Variants in GRM4 observed in about 807,000 individuals in gnomAD.
GRM4 encodes metabotropic glutamate receptor 4.
A neutral mutation model predicts 81.7 loss-of-function variants in GRM4; 28 were observed. The observed-to-expected ratio is 0.34, with a 90% confidence interval of 0.25 to 0.47. GRM4 has a LOEUF of 0.47. Among genes scored for constraint, GRM4 ranks in the 20% least tolerant of loss-of-function variants. GRM4 has a pLI of 1.00. For synonymous variants in GRM4, 488 were observed against 528.8 expected (o/e 0.92, Z 1.06); for missense variants, 948 against 1,290.0 (o/e 0.73, Z 4.06).
rs1268613490 is a variant in GRM4, at chr6:34,034,173, G to A, written c.2442+1495C>T. ...GCAGCTGCATTTGGACGTCTAATGA[G>A]CATCCCAAACTTAGCATGTCCAAAG... On this transcript the variant is annotated intron_variant, in intron 9 of 10. Transcript: ENST00000538487. This position sits in a 1 kb window ranked among gnomAD's most constrained non-coding sequence, Gnocchi z 4.0. Among the ~76,000 whole-genome samples the A allele has an allele frequency of 6.6e-6, 1 of 152,194 alleles. No homozygotes were observed. The highest frequency in any genetic ancestry group is 1.5e-5 in the Non-Finnish European group (1 of 68,038).
chr6:34,155,255 G>A (rs1771127400), exon 1 of GRM4: 2 of 1,535,014 alleles, frequency 1.3e-6, no homozygotes, highest in African/African-American at 1.4e-5. Context: ...GACCTGGGCG[G>A]GAGGCGGCAG....
At chr6:34,071,207 A>G (rs199601888) in intron 3 of GRM4, among the ~76,000 whole-genome samples, 2,439 of 151,732 alleles carry the variant, frequency 0.016, 51 homozygotes, top group African/African-American at 0.049. Flanking sequence ...ACACACACCT[A>G]TACATCACCA....
rs1217696937 is a variant in GRM4, at chr6:34,111,912, G to A, written c.520-19813C>T. On this transcript the variant is annotated intron_variant, in intron 2 of 10. Coordinates refer to ENST00000538487, the MANE Select transcript of GRM4 (RefSeq NM_000841.4). The surrounding 1 kb of genome is among the most constrained non-coding windows in gnomAD (Gnocchi z 5.1). The stretch of plus-strand genomic sequence containing the variant: ...CGCACCCCCACCTGTTCCATTTCCT[G>A]ATTGTCCAGATCTTATTGAGGTTTC... Among the ~76,000 whole-genome samples, 1 of 152,120 alleles carries A rather than the reference G, an allele frequency of 6.6e-6. No individual in the cohort carries two copies. Among genetic ancestry groups the A allele is most frequent in the East Asian group, 1.9e-4 (1 of 5,180 alleles).
intron 6 of GRM4, among the ~76,000 whole-genome samples, chr6:34,049,273 C>G (rs1765498475): frequency 6.6e-6 from 1 of 152,124 alleles, no homozygotes; most frequent in Non-Finnish European, 1.5e-5. Flanking sequence ...CAGCCCTTGT[C>G]TCACTTGGCC....
intron 2 of GRM4, among the ~76,000 whole-genome samples, chr6:34,106,260 C>G (rs1026428557): frequency 5.9e-5 from 9 of 151,924 alleles, no homozygotes; most frequent in Non-Finnish European, 1.3e-4. Context: ...ACCAAAAATA[C>G]AAAAATTAGC....
intron 3 of GRM4, among the ~76,000 whole-genome samples, chr6:34,085,530 G>A (rs1180557188): frequency 6.6e-6 from 1 of 152,346 alleles, no homozygotes; most frequent in Non-Finnish European, 1.5e-5. Context: ...CACCCCGTCA[G>A]CCTCAGTTTG....
chr6:34,100,634 C>T (rs1768784832), intron 2 of GRM4, among the ~76,000 whole-genome samples: 1 of 152,246 alleles, frequency 6.6e-6, no homozygotes, highest in Admixed American at 6.5e-5. Context: ...ATGGAGCGGA[C>T]ATCCGAGTGG....
At chr6:34,037,201 G>T (rs754974153) in intron 8 of GRM4, among the ~76,000 whole-genome samples, 13 of 152,254 alleles carry the variant, frequency 8.5e-5, no homozygotes, top group Admixed American at 8.5e-4. Flanking sequence ...TTAATCAGAG[G>T]ATGCTTAATG....
chr6:34,088,810 G>C (rs1378604921), intron 3 of GRM4, among the ~76,000 whole-genome samples: 3 of 152,232 alleles, frequency 2.0e-5, no homozygotes, highest in African/African-American at 7.2e-5. Flanking sequence ...CACAGGGGGT[G>C]TCTGGCCCAG....
intron 2 of GRM4, among the ~76,000 whole-genome samples, chr6:34,125,794 C>G (rs1303606197): frequency 1.3e-5 from 2 of 152,224 alleles, no homozygotes; most frequent in Non-Finnish European, 2.9e-5. Context: ...CAGGCTCTCA[C>G]CACAGTGGGG....
At chr6:34,095,946 C>T (rs1768496267) in intron 2 of GRM4, among the ~76,000 whole-genome samples, 1 of 152,206 alleles carries the variant, frequency 6.6e-6, no homozygotes, top group East Asian at 1.9e-4. Flanking sequence ...TCAACTCCCA[C>T]TGTCTGCGCA....
chr6:34,026,273 T>G (rs900073930), intron 10 of GRM4, among the ~76,000 whole-genome samples: 2 of 152,112 alleles, frequency 1.3e-5, no homozygotes, highest in African/African-American at 4.8e-5. Flanking sequence ...CATCCGGCTG[T>G]CCCCAGAATT....
At position 34,152,472 on chromosome 6, in the gene GRM4, G is replaced by T. The variant is rs1771064586; in HGVS notation, c.312+2607C>A. On this transcript the variant is annotated intron_variant, in intron 1 of 8. Coordinates refer to the GRM4 transcript ENST00000374177. The surrounding 1 kb of genome is among the most constrained non-coding windows in gnomAD (Gnocchi z 4.1). ...TCCTGGGGAAACATGAGCTACAGGG[G>T]TGGGGAGGATTCTGCTCCCCTCGAA... 6.6e-6 allele frequency among the ~76,000 whole-genome samples: 1 copy of T among 152,186 alleles called. No homozygotes were observed. The highest frequency in any genetic ancestry group is 1.5e-5 in the Non-Finnish European group (1 of 68,044).
intron 1 of GRM4, among the ~76,000 whole-genome samples, chr6:34,153,925 C>A (rs1430779978): frequency 7.1e-4 from 92 of 129,412 alleles, no homozygotes; most frequent in Non-Finnish European, 6.5e-4. Context: ...GACTCTGTCT[C>A]AAAAAAAAAA....
chr6:34,044,825 TAGAC>T lies in GRM4; in HGVS notation c.1169-4081_1169-4078del, dbSNP rs1243507444. Reference sequence around the variant, plus strand: ...ATACACATATATAGTCACACACACATAGACATACATACACATATATACATAGACA... The same window carrying T: ...ATACACATATATAGTCACACACACATATACATACACATATATACATAGACA... On this transcript the variant is annotated intron_variant, in intron 6 of 10. Coordinates refer to ENST00000538487, the MANE Select transcript of GRM4 (RefSeq NM_000841.4). Among the ~76,000 whole-genome samples, 737 of 141,320 alleles carry T rather than the reference TAGAC, an allele frequency of 5.2e-3. 15 individuals carry two copies. The highest frequency in any genetic ancestry group is 8.3e-3 in the Middle Eastern group (2 of 242). 92.7% of individuals were successfully genotyped at this position (141,320 alleles called of 152,430 possible).
intron 1 of GRM4, among the ~76,000 whole-genome samples, chr6:34,144,025 G>T (rs900082898): frequency 1.3e-5 from 2 of 152,248 alleles, no homozygotes; most frequent in African/African-American, 4.8e-5. Flanking sequence ...TGTCCGGAAA[G>T]GCCGCGTTCT....
rs1212254176 is a variant in GRM4 at position 34,047,738 on chromosome 6, G to A, written c.1169-6990C>T. On this transcript the variant is annotated intron_variant, in intron 6 of 10. Transcript: ENST00000538487. The surrounding 1 kb of genome is among the most constrained non-coding windows in gnomAD (Gnocchi z 4.5). ...CAGGTGTTTCGAGGGCTTAGTGGTT[G>A]GGCCAAAAGGGATCCCCATCTCAGT... Among the ~76,000 whole-genome samples, 1 of 152,242 alleles carries A rather than the reference G, an allele frequency of 6.6e-6. No homozygotes were observed. The highest frequency in any genetic ancestry group is 1.5e-5 in the Non-Finnish European group (1 of 68,024).
At chr6:34,067,406 TTCCC>T (rs1295703554) in intron 3 of GRM4, among the ~76,000 whole-genome samples, 3 of 84,358 alleles carry the variant, frequency 3.6e-5, no homozygotes, top group Non-Finnish European at 6.8e-5. Context: ...CCCTCCGTCC[TTCCC>T]TCCCTCCCTC....
intron 6 of GRM4, among the ~76,000 whole-genome samples, chr6:34,044,849 TAG>T (rs1458996927): frequency 3.6e-5 from 4 of 111,400 alleles, no homozygotes; most frequent in South Asian, 5.6e-4. Context: ...CATATATACA[TAG>T]ACACACACAC....
Sources: gnomAD v4.1 joint callset for allele counts (sites outside exome capture counted in the v4.1 genomes callset) on GRCh38, gnomAD v4.1.1 for gene constraint, Gnocchi (gnomAD v3.1) non-coding constraint, MANE v1.5 for transcripts, NCBI Gene and HGNC (gene_info 2026-07-23, HGNC 2026-07-21) for gene names.